The following JAZF1 variants were observed in gnomAD, a reference collection of about 807,000 sequenced individuals.
The protein encoded by JAZF1 is juxtaposed with another zinc finger protein 1.
A neutral mutation model predicts 26.4 loss-of-function variants in JAZF1; 8 were observed. The ratio of observed to expected loss-of-function variants is 0.30; its 90% CI spans 0.18 to 0.55. The LOEUF is 0.55. Among genes scored for constraint, JAZF1 ranks in the 20% least tolerant of loss-of-function variants. The pLI is 0.94. For synonymous variants in JAZF1, 126 were observed against 122.3 expected (o/e 1.03, Z -0.20); for missense variants, 199 against 322.0 (o/e 0.62, Z 2.92).
intron 1 of JAZF1, among the ~76,000 whole-genome samples, chr7:28,179,005 T>C (rs931675461): frequency 1.3e-5 from 2 of 152,246 alleles, no homozygotes; most frequent in African/African-American, 2.4e-5. Context: ...GAGACAGCAC[T>C]ATACTAAGCA....
At chr7:28,089,960 C>T (rs376324734) in intron 1 of JAZF1, among the ~76,000 whole-genome samples, 5 of 152,212 alleles carry the variant, frequency 3.3e-5, no homozygotes, top group South Asian at 4.2e-4. Context: ...CAAGAAACTC[C>T]GTGGTGAGAT....
intron 1 of JAZF1, among the ~76,000 whole-genome samples, chr7:28,138,804 C>T (rs1407700987): frequency 1.3e-5 from 2 of 152,160 alleles, no homozygotes; most frequent in Non-Finnish European, 2.9e-5. Context: ...TGGGCTCGGG[C>T]CCCAGACTTA....
At chr7:28,153,373 T>C (rs1405534589) in intron 1 of JAZF1, among the ~76,000 whole-genome samples, 1 of 152,230 alleles carries the variant, frequency 6.6e-6, no homozygotes, top group Non-Finnish European at 1.5e-5. Flanking sequence ...CTAAAGTCTA[T>C]ATTTAGAATA....
chr7:27,833,033 C>G, intron 4 of JAZF1, 57 bp from the exon 5 acceptor site: 3 of 1,402,960 alleles, frequency 2.1e-6, no homozygotes, highest in Non-Finnish European at 1.9e-6. Flanking sequence ...TGTCAAACTT[C>G]GGAAACCTCA....
chr7:28,179,590 G>A (rs542293149), intron 1 of JAZF1, among the ~76,000 whole-genome samples: 11 of 151,390 alleles, frequency 7.3e-5, no homozygotes, highest in Admixed American at 5.3e-4. Flanking sequence ...GGGCGCCGCC[G>A]CAGGGGCCTC....
At chr7:27,883,942 G>C (rs565681998) in intron 3 of JAZF1, among the ~76,000 whole-genome samples, 6 of 152,228 alleles carry the variant, frequency 3.9e-5, no homozygotes, top group African/African-American at 1.2e-4. Context: ...TCAATGAACA[G>C]GAAATTCCAG....
At chr7:28,132,418 C>A (rs890067470) in intron 1 of JAZF1, among the ~76,000 whole-genome samples, 2 of 152,110 alleles carry the variant, frequency 1.3e-5, no homozygotes, top group African/African-American at 4.8e-5. Context: ...TATCAGGATA[C>A]CCATAGCTTA....
intron 2 of JAZF1, among the ~76,000 whole-genome samples, chr7:27,920,675 T>C (rs1784513318): frequency 6.6e-6 from 1 of 152,240 alleles, no homozygotes. Context: ...TCCAGCTGTC[T>C]GATCTGCCTC....
chr7:27,917,764 G>A (rs898985205), intron 2 of JAZF1, among the ~76,000 whole-genome samples: 1 of 152,212 alleles, frequency 6.6e-6, no homozygotes, highest in African/African-American at 2.4e-5. Context: ...GCTATTTTAA[G>A]ATCCCTGGAA....
intron 1 of JAZF1, among the ~76,000 whole-genome samples, chr7:28,089,924 T>C (rs1422562298): frequency 6.6e-6 from 1 of 152,142 alleles, no homozygotes; most frequent in Middle Eastern, 3.2e-3. Context: ...AAATACAAGA[T>C]GAGAGAAATT....
intron 1 of JAZF1, among the ~76,000 whole-genome samples, chr7:28,125,081 G>C (rs1320287797): frequency 6.6e-6 from 1 of 150,810 alleles, no homozygotes; most frequent in Non-Finnish European, 1.5e-5. Context: ...TTTCTGAATA[G>C]TGCCTAATAT....
At chr7:28,113,245 T>C (rs937041022) in intron 1 of JAZF1, among the ~76,000 whole-genome samples, 3 of 152,206 alleles carry the variant, frequency 2.0e-5, no homozygotes, top group Non-Finnish European at 4.4e-5. Context: ...GAGATGGAAA[T>C]GATCGCCAGC....
At chr7:28,156,895 A>AG (rs1783193525) in intron 1 of JAZF1, among the ~76,000 whole-genome samples, 1 of 152,228 alleles carries the variant, frequency 6.6e-6, no homozygotes, top group Non-Finnish European at 1.5e-5. Context: ...CATGAATCAA[A>AG]GGGCAGATAA....
rs150478783 is a variant in JAZF1, at chr7:27,984,153, G to A, written c.188+7756C>T. Among the ~76,000 whole-genome samples the A allele has an allele frequency of 7.9e-4, 120 of 152,196 alleles. 1 individual carries two copies. The highest frequency in any genetic ancestry group is 1.3e-3 in the Non-Finnish European group (87 of 68,008). On this transcript the variant is annotated intron_variant, in intron 2 of 4. Transcript: ENST00000283928. The stretch of plus-strand genomic sequence containing the variant: ...ATGCTCCAATTAAAAGACACAGACT[G>A]GTAAATTGGATTAAAAGTCAAGACC...
intron 1 of JAZF1, among the ~76,000 whole-genome samples, chr7:28,167,931 G>C (rs1029786375): frequency 4.6e-5 from 7 of 152,212 alleles, no homozygotes; most frequent in Admixed American, 4.6e-4. Flanking sequence ...GGAAGCAATG[G>C]TATACAAGGT....
chr7:28,016,034 C>T (rs747364852), intron 1 of JAZF1, among the ~76,000 whole-genome samples: 2 of 152,178 alleles, frequency 1.3e-5, no homozygotes, highest in South Asian at 2.1e-4. Context: ...CAGACAGTGA[C>T]GGCATTTTAA....
chr7:27,972,829 G>A (rs1248427751), intron 2 of JAZF1, among the ~76,000 whole-genome samples: 1 of 151,646 alleles, frequency 6.6e-6, no homozygotes, highest in Non-Finnish European at 1.5e-5. Context: ...AGATAAGTGT[G>A]TGGGGGGAAT....
intron 2 of JAZF1, chr7:27,913,440 C>T (rs1156974588): frequency 2.3e-6 from 1 of 434,710 alleles, no homozygotes; most frequent in South Asian, 1.6e-5. Flanking sequence ...CTAGGTCTGT[C>T]TCATCTCCGC....
intron 1 of JAZF1, among the ~76,000 whole-genome samples, chr7:28,048,549 A>G (rs1169664059): frequency 1.3e-5 from 2 of 152,228 alleles, no homozygotes; most frequent in Admixed American, 6.5e-5. Context: ...CTTCAAGACT[A>G]TAATTTGTTC....
Sources: gnomAD v4.1 joint callset for allele counts (sites outside exome capture counted in the v4.1 genomes callset) on GRCh38, gnomAD v4.1.1 for gene constraint, MANE v1.5 for transcripts, NCBI Gene and HGNC (gene_info 2026-07-23, HGNC 2026-07-21) for gene names.